NR6A1: variants seen among roughly 807,000 people sequenced by gnomAD.
NR6A1 encodes retinoic acid receptor-related testis-associated receptor.
A neutral mutation model predicts 59.1 loss-of-function variants in NR6A1; 7 were observed. The observed-to-expected ratio is 0.12, with a 90% confidence interval of 0.07 to 0.22. The LOEUF is 0.22. Ranked by LOEUF, NR6A1 falls within the 10% of genes least tolerant of loss-of-function variation. The pLI is 1.00. For missense variants in NR6A1, 468 were observed against 611.6 expected (o/e 0.77, Z 2.48); for synonymous variants, 243 against 236.1 (o/e 1.03, Z -0.27).
intron 2 of NR6A1, among the ~76,000 whole-genome samples, chr9:124,730,094 T>TGAGC (rs1366624884): frequency 6.6e-6 from 1 of 152,216 alleles, no homozygotes; most frequent in African/African-American, 2.4e-5. Flanking sequence ...ATTACAGGCG[T>TGAGC]GAGCCACCAC....
intron 1 of NR6A1, chr9:124,770,164 C>G (rs909653098): frequency 2.6e-5 from 4 of 152,328 alleles, no homozygotes; most frequent in African/African-American, 9.7e-5. Context: ...GGACCGGGAC[C>G]TGCCGGGCAG....
At chr9:124,682,368 T>A (rs965855935) in intron 2 of NR6A1, among the ~76,000 whole-genome samples, 1 of 152,204 alleles carries the variant, frequency 6.6e-6, no homozygotes, top group African/African-American at 2.4e-5. Context: ...TATGCAAAAT[T>A]GTCTGAACTG....
Position 124,647,594 on chromosome 9 carries a change from G to C in NR6A1, c.142+85714C>G, listed in dbSNP as rs1836968720. Among the ~76,000 whole-genome samples the C allele has an allele frequency of 2.0e-5, 3 of 151,894 alleles. No homozygotes were observed. In the South Asian group the frequency reaches 6.2e-4, roughly 32 times the overall value. On this transcript the variant is annotated intron_variant, in intron 2 of 9. Coordinates refer to ENST00000487099, the MANE Select transcript of NR6A1 (RefSeq NM_033334.4). ...AATACAAAAATTAGCTGGGCGTGGT[G>C]GCACATGCCTGTAATCCCAGCTACT...
At chr9:124,726,677 ATTCTTCACTTCTTCTCAC>A (rs1839728463) in intron 2 of NR6A1, among the ~76,000 whole-genome samples, 2 of 152,136 alleles carry the variant, frequency 1.3e-5, no homozygotes, top group Admixed American at 6.5e-5. Context: ...TGACCAAGAA[ATTCTTCACTTCTTCTCAC>A]TTCTTCACTT....
intron 2 of NR6A1, among the ~76,000 whole-genome samples, chr9:124,649,123 C>T (rs1395501722): frequency 1.3e-5 from 2 of 151,294 alleles, no homozygotes; most frequent in Non-Finnish European, 2.9e-5. Context: ...CCTCAAAAGA[C>T]CCCAAATAGC....
chr9:124,533,979 G>A (rs772768038), intron 7 of NR6A1, among the ~76,000 whole-genome samples: 10 of 151,582 alleles, frequency 6.6e-5, no homozygotes, highest in Non-Finnish European at 1.3e-4. Flanking sequence ...CCTTCTTGGT[G>A]CCCTGGAATC....
intron 2 of NR6A1, among the ~76,000 whole-genome samples, chr9:124,640,570 TA>T (rs971739023): frequency 2.0e-5 from 3 of 152,086 alleles, no homozygotes; most frequent in Non-Finnish European, 4.4e-5. Context: ...TGACTACTTT[TA>T]AAATTTTTTG....
intron 2 of NR6A1, among the ~76,000 whole-genome samples, chr9:124,714,769 T>C (rs1417270395): frequency 6.6e-6 from 1 of 152,048 alleles, no homozygotes; most frequent in East Asian, 1.9e-4. Flanking sequence ...ATAATATCAT[T>C]TACTATAACA....
intron 3 of NR6A1, among the ~76,000 whole-genome samples, chr9:124,544,732 G>C (rs896915952): frequency 5.3e-5 from 8 of 152,162 alleles, no homozygotes; most frequent in Non-Finnish European, 8.8e-5. Flanking sequence ...GCCTATGTGG[G>C]GGAAGAGTAG....
At chr9:124,587,659 T>C (rs1434905191) in intron 2 of NR6A1, among the ~76,000 whole-genome samples, 1 of 152,224 alleles carries the variant, frequency 6.6e-6, no homozygotes, top group Non-Finnish European at 1.5e-5. Context: ...GCCATTCCCA[T>C]TCTTATTTGC....
chr9:124,567,637 G>T (rs985858869), intron 2 of NR6A1, among the ~76,000 whole-genome samples: 11 of 151,910 alleles, frequency 7.2e-5, no homozygotes, highest in Admixed American at 6.6e-5. Flanking sequence ...AAAGTGTGCA[G>T]AATAAAAAAG....
intron 2 of NR6A1, among the ~76,000 whole-genome samples, chr9:124,594,371 C>A (rs2130806330): frequency 6.6e-6 from 1 of 152,266 alleles, no homozygotes; most frequent in Admixed American, 6.5e-5. Context: ...TCTTTCAGAG[C>A]TAGCAGACTA....
chr9:124,629,427 C>A (rs1836357270), intron 2 of NR6A1, among the ~76,000 whole-genome samples: 1 of 152,102 alleles, frequency 6.6e-6, no homozygotes, highest in Non-Finnish European at 1.5e-5. Context: ...TCATCTTGAT[C>A]ACTTAATAGT....
intron 7 of NR6A1, among the ~76,000 whole-genome samples, chr9:124,531,658 G>A (rs1346707074): frequency 6.6e-6 from 1 of 152,126 alleles, no homozygotes; most frequent in African/African-American, 2.4e-5. Flanking sequence ...ATGCACCTCA[G>A]ACTCCACAGA....
intron 1 of NR6A1, among the ~76,000 whole-genome samples, chr9:124,769,372 C>A (rs1397096136): frequency 6.6e-6 from 1 of 152,074 alleles, no homozygotes; most frequent in African/African-American, 2.4e-5. Flanking sequence ...AACACCAGAT[C>A]TCCTGAACTA....
At chr9:124,523,518 ATTTT>A (rs11314511) in intron 9 of NR6A1, among the ~76,000 whole-genome samples, 6 of 143,280 alleles carry the variant, frequency 4.2e-5, no homozygotes, top group South Asian at 2.2e-4. Context: ...TCAAACATTG[ATTTT>A]TTTTTTTTTT....
At chr9:124,523,782 C>T (rs922977204) in intron 9 of NR6A1, among the ~76,000 whole-genome samples, 1 of 152,178 alleles carries the variant, frequency 6.6e-6, no homozygotes, top group African/African-American at 2.4e-5. Context: ...ATTCCCTTGT[C>T]AGATTGAAAT....
chr9:124,640,720 A>G (rs1836746617), intron 2 of NR6A1, among the ~76,000 whole-genome samples: 1 of 151,900 alleles, frequency 6.6e-6, no homozygotes, highest in East Asian at 1.9e-4. Context: ...TTTTTTACAC[A>G]CATATACATC....
chr9:124,542,249 T>C (rs1833468469), intron 4 of NR6A1, among the ~76,000 whole-genome samples: 2 of 152,186 alleles, frequency 1.3e-5, no homozygotes, highest in Non-Finnish European at 2.9e-5. Flanking sequence ...GTAAGACATA[T>C]ATATGACTTG....
Sources: allele counts gnomAD v4.1 joint callset (sites outside exome capture counted in the v4.1 genomes callset), GRCh38; gene constraint gnomAD v4.1.1; transcripts MANE v1.5; gene names NCBI Gene and HGNC (gene_info 2026-07-23, HGNC 2026-07-21).